The following LRP5 variants were observed in gnomAD, a reference collection of about 807,000 sequenced individuals.
The protein encoded by LRP5 is low-density lipoprotein receptor-related protein 5.
LRP5 carries 62 observed loss-of-function variants against 154.1 expected under a neutral mutation model. That is an observed-to-expected ratio of 0.40 (90% confidence interval 0.33 to 0.50). LRP5 has a LOEUF of 0.50. Among genes scored for constraint, LRP5 ranks in the 20% least tolerant of loss-of-function variants. The pLI, the probability that LRP5 is intolerant of heterozygous loss-of-function variation, is 0.55. For synonymous variants in LRP5, 966 were observed against 1,011.5 expected, an observed-to-expected ratio of 0.96 and a Z score of 0.85; for missense variants, 1,915 against 2,336.7, an observed-to-expected ratio of 0.82 and a Z score of 3.72.
the LRP5 span, among the ~76,000 whole-genome samples, chr11:68,301,673 A>T: frequency 6.9e-6 from 1 of 144,176 alleles, no homozygotes; most frequent in South Asian, 2.2e-4. Flanking sequence ...CCCAGGCTGG[A>T]GTGCAGTGGT....
chr11:68,347,051 GCCGC>G (rs2098613606), intron 1 of LRP5, among the ~76,000 whole-genome samples: 6 of 152,186 alleles, frequency 3.9e-5, no homozygotes, highest in Admixed American at 1.3e-4. Flanking sequence ...AGCCAGCCTG[GCCGC>G]AGGCAGATCA....
At chr11:68,310,692 T>C (rs374682752), upstream of LRP5, among the ~76,000 whole-genome samples, 105 of 149,206 alleles carry the variant, frequency 7.0e-4, no homozygotes, top group African/African-American at 2.5e-3. Context: ...GAGTTTGAGG[T>C]TGCAATGAGC....
chr11:68,422,284 G>A (rs1412198713), intron 13 of LRP5, among the ~76,000 whole-genome samples: 1 of 152,180 alleles, frequency 6.6e-6, no homozygotes, highest in Admixed American at 6.5e-5. Flanking sequence ...GATAAAGAAA[G>A]TCTGAAAAGA....
At position 68,386,263 on chromosome 11, in the gene LRP5, T is replaced by A; in HGVS notation, c.1016-53T>A. On this transcript the variant is annotated intron_variant, in intron 5 of 22. Coordinates refer to ENST00000294304, the MANE Select transcript of LRP5 (RefSeq NM_002335.4). This position sits in a 1 kb window ranked among gnomAD's most constrained non-coding sequence, Gnocchi z 7.9. ...TGCCCGGCCCACCCCAGGCCTAGAC[T>A]TGTGCCTGCTGCAGGCCCTTGACCC... 6.2e-7 allele frequency: 1 copy of A among 1,603,082 alleles called. No homozygotes were observed. The highest frequency in any genetic ancestry group is 1.3e-5 in the African/African-American group (1 of 74,992).
intron 18 of LRP5, 49 bp downstream of exon 18, chr11:68,433,887 C>A: frequency 6.4e-7 from 1 of 1,564,396 alleles, no homozygotes. Flanking sequence ...CCCTGCCCTC[C>A]GGGATACGAG....
At chr11:68,301,333 G>A in the LRP5 span, among the ~76,000 whole-genome samples, 1 of 149,000 alleles carries the variant, frequency 6.7e-6, no homozygotes, top group Non-Finnish European at 1.5e-5. Context: ...ATTGGGCTGA[G>A]TGCAGTGGCT....
At position 68,447,833 on chromosome 11, in the gene LRP5, G is replaced by A. The variant is rs1400514343; in HGVS notation, c.4587-976G>A. 6.6e-6 allele frequency among the ~76,000 whole-genome samples: 1 copy of A among 152,190 alleles called. No individual in the cohort carries two copies. The highest frequency in any genetic ancestry group is 2.4e-5 in the African/African-American group (1 of 41,442). ...TTCCGAGTCTGAACTCACACAGTGG[G>A]ATGCGGCGTTTCTGGGCCACAGTTG... On this transcript the variant is annotated intron_variant, in intron 22 of 22. Coordinates refer to ENST00000294304, the MANE Select transcript of LRP5 (RefSeq NM_002335.4). The surrounding 1 kb of genome is among the most constrained non-coding windows in gnomAD (Gnocchi z 4.3).
chr11:68,440,230 G>A (rs1476908778), intron 21 of LRP5, among the ~76,000 whole-genome samples: 3 of 152,182 alleles, frequency 2.0e-5, no homozygotes, highest in Admixed American at 1.3e-4. Flanking sequence ...ATCGATAGCC[G>A]CCTGCACCAG....
intron 12 of LRP5, among the ~76,000 whole-genome samples, chr11:68,415,765 AT>A (rs2098662205): frequency 1.4e-5 from 1 of 71,750 alleles, no homozygotes. Context: ...GAATGAATGA[AT>A]GAATGAATGG....
chr11:68,310,277 A>G (rs2098586965), upstream of LRP5, among the ~76,000 whole-genome samples: 1 of 152,072 alleles, frequency 6.6e-6, no homozygotes, highest in Admixed American at 6.6e-5. Context: ...GTGGGGTGAA[A>G]GAGTTGGAGC....
Position 68,386,398 on chromosome 11 carries a change from G to A in LRP5, c.1098G>A (p.Val366=). ...ACACGCCGGACTTCACCGACATCGTGCTGCAGGTGGACGACATCCGGCACG... is the reference window on the plus strand; with the variant it reads ...ACACGCCGGACTTCACCGACATCGTACTGCAGGTGGACGACATCCGGCACG... ...SLDTPDFTDI[V]LQVDDIRHAI... is the part of the protein sequence containing the mutation. Residue 366 remains valine (V), a synonymous_variant, in exon 6 of 23, where the codon GTG becomes GTA. Coordinates refer to ENST00000294304, the MANE Select transcript of LRP5 (RefSeq NM_002335.4). The surrounding 1 kb of genome is among the most constrained non-coding windows in gnomAD (Gnocchi z 7.9). 6.2e-7 allele frequency: 1 copy of A among 1,613,944 alleles called. No homozygotes were observed. The highest frequency in any genetic ancestry group is 8.5e-7 in the Non-Finnish European group (1 of 1,180,042).
intron 1 of LRP5, among the ~76,000 whole-genome samples, chr11:68,326,265 A>G (rs572280325): frequency 2.0e-5 from 3 of 152,100 alleles, no homozygotes; most frequent in African/African-American, 2.4e-5. Flanking sequence ...AGGGCTGACT[A>G]TCTATTTGTA....
At position 68,348,244 on chromosome 11, in the gene LRP5, G is replaced by A. The variant is rs1163118712; in HGVS notation, c.488+1G>A. The A allele has an allele frequency of 6.2e-7, 1 of 1,604,282 alleles. No individual in the cohort carries two copies. On this transcript the variant is annotated splice_donor_variant, in intron 2 of 22. Transcript: ENST00000294304. LOFTEE classifies it high-confidence loss of function. ...CCATCGCCTTGGACCCCGCTCACGG[G>A]TAAACCCTGCTGCGACTCCACCTGG...
At chr11:68,310,497 G>A (rs1210097410), upstream of LRP5, among the ~76,000 whole-genome samples, 1 of 152,214 alleles carries the variant, frequency 6.6e-6, no homozygotes, top group Non-Finnish European at 1.5e-5. Context: ...GCACATGCCT[G>A]TAATCCCAGC....
At chr11:68,419,717 A>AT (rs57560819) in intron 13 of LRP5, among the ~76,000 whole-genome samples, 1 of 151,304 alleles carries the variant, frequency 6.6e-6, no homozygotes, top group Non-Finnish European at 1.5e-5. Flanking sequence ...TAATTTTTGT[A>AT]TTTTTTAGCA....
chr11:68,323,950 C>T (rs1037332832), intron 1 of LRP5, among the ~76,000 whole-genome samples: 8 of 152,226 alleles, frequency 5.3e-5, no homozygotes, highest in Non-Finnish European at 1.2e-4. Flanking sequence ...CCTTGGGACA[C>T]TCATTCATTT....
chr11:68,410,261 G>A (rs2153166569), intron 10 of LRP5, 121 bp downstream of exon 10: 2 of 791,170 alleles, frequency 2.5e-6, no homozygotes, highest in Admixed American at 2.0e-5. Context: ...CTGTACTGAC[G>A]TCATTAGCCT....
rs193058360 is a variant in LRP5, at chr11:68,329,046, G to C, written c.91+16241G>C. On this transcript the variant is annotated intron_variant, in intron 1 of 22. Transcript: ENST00000294304. Reference sequence around the variant, plus strand: ...CACACATGTGCACAGTGCTTCAGAAGTACCACCTTAGTTGGATTTGAAGGA... The same window carrying C: ...CACACATGTGCACAGTGCTTCAGAACTACCACCTTAGTTGGATTTGAAGGA... Among the ~76,000 whole-genome samples the C allele has an allele frequency of 6.7e-4, 102 of 152,318 alleles. 4 individuals carry two copies. In the East Asian group the frequency reaches 0.016, roughly 24 times the overall value.
At chr11:68,372,915 G>A (rs952881490) in intron 5 of LRP5, among the ~76,000 whole-genome samples, 4 of 152,100 alleles carry the variant, frequency 2.6e-5, no homozygotes, top group Non-Finnish European at 5.9e-5. Context: ...GAGGGGGGCA[G>A]GGCCTGGCTG....
Sources: gnomAD v4.1 joint callset for allele counts (sites outside exome capture counted in the v4.1 genomes callset) on GRCh38, gnomAD v4.1.1 for gene constraint, Gnocchi (gnomAD v3.1) non-coding constraint, MANE v1.5 for transcripts, NCBI Gene and HGNC (gene_info 2026-07-23, HGNC 2026-07-21) for gene names.